The following PKIB variants were observed in gnomAD, a reference collection of about 807,000 sequenced individuals.
PKIB encodes the protein cAMP-dependent protein kinase inhibitor beta.
Under a neutral mutation model 4.5 loss-of-function variants are expected in PKIB, and 2 were observed. The observed-to-expected ratio is 0.44, with a 90% CI of 0.18 to 1.39. The LOEUF is 1.39. Among genes scored for constraint, PKIB ranks in the 40% most tolerant of loss-of-function variants. The probability of loss-of-function intolerance (pLI) is 0.27; values close to 1 mark genes in which losing one functional copy is unlikely to be tolerated. For synonymous variants in PKIB, 38 were observed against 36.0 expected (o/e 1.06, Z -0.20); for missense variants, 94 against 92.6 (o/e 1.02, Z -0.06).
At chr6:122,674,471 T>A (rs2114955186) in intron 2 of PKIB, among the ~76,000 whole-genome samples, 1 of 152,292 alleles carries the variant, frequency 6.6e-6, no homozygotes, top group East Asian at 1.9e-4. Context: ...TTTTCACCCT[T>A]CTTATGCCAG....
At chr6:122,718,051 A>G in intron 4 of PKIB, 88 bp downstream of exon 4, 6 of 1,349,874 alleles carry the variant, frequency 4.4e-6, no homozygotes, top group Non-Finnish European at 6.0e-6. Context: ...TTATCTAGTT[A>G]AAAGTGCTCA....
chr6:122,607,105 TAAATA>T (rs959210617), upstream of PKIB, among the ~76,000 whole-genome samples: 37 of 149,402 alleles, frequency 2.5e-4, 1 homozygote, highest in African/African-American at 6.4e-4. Context: ...AATAAATAAA[TAAATA>T]AAATAAAATA....
chr6:122,694,479 G>A (rs1265976352), intron 3 of PKIB, among the ~76,000 whole-genome samples: 1 of 152,142 alleles, frequency 6.6e-6, no homozygotes, highest in African/African-American at 2.4e-5. Context: ...AAAATCTTAG[G>A]AAGAGCTAAT....
intron 2 of PKIB, among the ~76,000 whole-genome samples, chr6:122,496,914 G>A (rs972411482): frequency 2.0e-5 from 3 of 152,096 alleles, no homozygotes; most frequent in African/African-American, 7.2e-5. Context: ...TGTTATTAAA[G>A]GATATAGTCA....
At chr6:122,557,691 A>G (rs197687) in intron 2 of PKIB, among the ~76,000 whole-genome samples, 97,944 of 152,044 alleles carry the variant, frequency 0.64, 32,003 homozygotes, top group South Asian at 0.83. Context: ...GAAGCCATAG[A>G]TAACTTCCCA....
chr6:122,526,729 G>A (rs1371877898), intron 2 of PKIB, among the ~76,000 whole-genome samples: 1 of 151,964 alleles, frequency 6.6e-6, no homozygotes, highest in Non-Finnish European at 1.5e-5. Flanking sequence ...AATTCTTAAG[G>A]TTCTAGGATT....
chr6:122,669,277 C>A (rs533816021), intron 2 of PKIB, among the ~76,000 whole-genome samples: 1 of 152,170 alleles, frequency 6.6e-6, no homozygotes, highest in South Asian at 2.1e-4. Flanking sequence ...TTGTTCAGAA[C>A]TGTAATTAAT....
intron 2 of PKIB, among the ~76,000 whole-genome samples, chr6:122,580,023 T>C (rs1249813631): frequency 6.6e-6 from 1 of 152,192 alleles, no homozygotes; most frequent in Non-Finnish European, 1.5e-5. Context: ...ATACCTCTCA[T>C]TTAATTTTTA....
At chr6:122,553,478 C>CTTTTTTTTTTTTT (rs1562249215) in intron 2 of PKIB, among the ~76,000 whole-genome samples, 21 of 48,898 alleles carry the variant, frequency 4.3e-4, no homozygotes, top group Middle Eastern at 0.012. Flanking sequence ...GCTCAAATAT[C>CTTTTTTTTTTTTT]TTCTTTTTTT....
chr6:122,552,442 T>C (rs1391914812), intron 2 of PKIB, among the ~76,000 whole-genome samples: 3 of 152,116 alleles, frequency 2.0e-5, no homozygotes, highest in Admixed American at 2.0e-4. Flanking sequence ...AGTGGCTCGA[T>C]CTTGGCTCAC....
intron 3 of PKIB, among the ~76,000 whole-genome samples, chr6:122,676,195 T>A (rs1184065989): frequency 6.6e-6 from 1 of 151,734 alleles, no homozygotes; most frequent in African/African-American, 2.4e-5. Context: ...GGCATTAGAT[T>A]CTCATAAGGA....
At chr6:122,502,009 A>G (rs942276793) in intron 2 of PKIB, among the ~76,000 whole-genome samples, 1 of 147,880 alleles carries the variant, frequency 6.8e-6, no homozygotes, top group Non-Finnish European at 1.5e-5. Flanking sequence ...CTGGAGTGCA[A>G]TGGCACAATC....
At chr6:122,566,183 G>T (rs1465643912) in intron 2 of PKIB, among the ~76,000 whole-genome samples, 5 of 151,682 alleles carry the variant, frequency 3.3e-5, no homozygotes, top group African/African-American at 9.7e-5. Context: ...TGAGGGATGA[G>T]GAAAAGAAAT....
At chr6:122,487,159 C>CA (rs2114529571) in intron 2 of PKIB, among the ~76,000 whole-genome samples, 1 of 152,076 alleles carries the variant, frequency 6.6e-6, no homozygotes, top group South Asian at 2.1e-4. Flanking sequence ...TATTTTATAA[C>CA]AAAAAAATAA....
intron 2 of PKIB, among the ~76,000 whole-genome samples, chr6:122,653,230 TG>T (rs1368498365): frequency 6.6e-6 from 1 of 152,082 alleles, no homozygotes; most frequent in Non-Finnish European, 1.5e-5. Flanking sequence ...ATGACTAGAG[TG>T]ATCTCTTGGC....
At chr6:122,533,850 A>C (rs1439479518) in intron 2 of PKIB, among the ~76,000 whole-genome samples, 1 of 152,052 alleles carries the variant, frequency 6.6e-6, no homozygotes, top group Non-Finnish European at 1.5e-5. Flanking sequence ...TTATCTCTAT[A>C]TTGTATGGTC....
intron 2 of PKIB, among the ~76,000 whole-genome samples, chr6:122,518,589 G>A (rs1168292793): frequency 6.6e-6 from 1 of 151,876 alleles, no homozygotes; most frequent in Admixed American, 6.6e-5. Context: ...TGGAGGTCAC[G>A]CCTTCCAAGC....
At chr6:122,509,002 G>T (rs1776506441) in intron 2 of PKIB, among the ~76,000 whole-genome samples, 1 of 152,126 alleles carries the variant, frequency 6.6e-6, no homozygotes, top group African/African-American at 2.4e-5. Flanking sequence ...GCCCACCTCA[G>T]CCTCCCAAAG....
At chr6:122,475,737 G>A (rs1775438506) in intron 1 of PKIB, among the ~76,000 whole-genome samples, 1 of 152,150 alleles carries the variant, frequency 6.6e-6, no homozygotes, top group South Asian at 2.1e-4. Context: ...AGTGAGCTGA[G>A]ATCACGCCAC....
Sources: allele counts gnomAD v4.1 joint callset (sites outside exome capture counted in the v4.1 genomes callset), GRCh38; gene constraint gnomAD v4.1.1; transcripts MANE v1.5; gene names NCBI Gene and HGNC (gene_info 2026-07-23, HGNC 2026-07-21).